Variants in NXPH1 observed in about 807,000 individuals in gnomAD.
NXPH1 encodes neurexophilin-1.
Under a neutral mutation model 23.7 loss-of-function variants are expected in NXPH1, and 5 were observed. The ratio of observed to expected loss-of-function variants is 0.21; its 90% CI spans 0.11 to 0.44. The LOEUF is 0.44. Ranked by LOEUF, NXPH1 falls within the 20% of genes least tolerant of loss-of-function variation. The probability of loss-of-function intolerance (pLI) is 0.99; values close to 1 mark genes in which losing one functional copy is unlikely to be tolerated. For missense variants in NXPH1, 324 were observed against 321.6 expected, an observed-to-expected ratio of 1.01 and a Z score of -0.06; for synonymous variants, 144 against 122.2, an observed-to-expected ratio of 1.18 and a Z score of -1.18.
At chr7:8,501,079 A>T (rs1218921728) in intron 2 of NXPH1, among the ~76,000 whole-genome samples, 1 of 152,072 alleles carries the variant, frequency 6.6e-6, no homozygotes, top group Non-Finnish European at 1.5e-5. Context: ...ATGAGTTGGG[A>T]TCTTCAGCAT....
intron 2 of NXPH1, among the ~76,000 whole-genome samples, chr7:8,574,507 A>G (rs1818714498): frequency 6.6e-6 from 1 of 152,102 alleles, no homozygotes; most frequent in Non-Finnish European, 1.5e-5. Context: ...CTGAAGGAAA[A>G]AGATGGAATC....
chr7:8,447,475 A>G (rs1047063303), intron 2 of NXPH1, among the ~76,000 whole-genome samples: 2 of 152,266 alleles, frequency 1.3e-5, no homozygotes, highest in Non-Finnish European at 2.9e-5. Context: ...CAAGAAATAT[A>G]TAATTGAATG....
chr7:8,726,180 T>C (rs1259429041), intron 2 of NXPH1, among the ~76,000 whole-genome samples: 1 of 152,172 alleles, frequency 6.6e-6, no homozygotes, highest in Non-Finnish European at 1.5e-5. Context: ...TGTATGTATA[T>C]TATTAATACC....
chr7:8,708,554 G>A (rs961652993), intron 2 of NXPH1, among the ~76,000 whole-genome samples: 3 of 151,376 alleles, frequency 2.0e-5, no homozygotes, highest in Non-Finnish European at 2.9e-5. Flanking sequence ...TAGAGATGGG[G>A]TTTCATCATG....
At chr7:8,559,741 T>G (rs911501362) in intron 2 of NXPH1, among the ~76,000 whole-genome samples, 4 of 151,710 alleles carry the variant, frequency 2.6e-5, no homozygotes, top group African/African-American at 9.7e-5. Flanking sequence ...ATATTTTTCC[T>G]TCCAGATAAT....
chr7:8,466,706 A>T (rs888789247), intron 2 of NXPH1, among the ~76,000 whole-genome samples: 1 of 152,164 alleles, frequency 6.6e-6, no homozygotes, highest in Non-Finnish European at 1.5e-5. Context: ...AAAAAAGTAA[A>T]TGATCTAAAA....
intron 2 of NXPH1, among the ~76,000 whole-genome samples, chr7:8,468,635 A>G (rs1372134625): frequency 3.3e-5 from 5 of 151,992 alleles, no homozygotes; most frequent in Admixed American, 3.3e-4. Flanking sequence ...GGATGTGTAC[A>G]CTCCCTGGAA....
intron 2 of NXPH1, among the ~76,000 whole-genome samples, chr7:8,627,602 G>T (rs1358344911): frequency 6.6e-6 from 1 of 152,094 alleles, no homozygotes; most frequent in East Asian, 1.9e-4. Context: ...TGACACTGAA[G>T]AAATGATTAT....
chr7:8,550,491 C>A (rs891812451), intron 2 of NXPH1, among the ~76,000 whole-genome samples: 1 of 151,616 alleles, frequency 6.6e-6, no homozygotes. Context: ...GACACATGGG[C>A]AATCCTATAA....
intron 2 of NXPH1, among the ~76,000 whole-genome samples, chr7:8,615,136 T>TGCCCCAATTGGGGGGC (rs1265297045): frequency 6.6e-6 from 1 of 152,068 alleles, no homozygotes; most frequent in Non-Finnish European, 1.5e-5. Flanking sequence ...GGGGAAAATG[T>TGCCCCAATTGGGGGGC]ACGAATTAGA....
chr7:8,514,116 A>T (rs545037702), intron 2 of NXPH1, among the ~76,000 whole-genome samples: 1 of 152,218 alleles, frequency 6.6e-6, no homozygotes, highest in South Asian at 2.1e-4. Flanking sequence ...ATTACTTCTG[A>T]AAAGACTCTG....
At chr7:8,618,229 A>G (rs1341074110) in intron 2 of NXPH1, among the ~76,000 whole-genome samples, 1 of 152,122 alleles carries the variant, frequency 6.6e-6, no homozygotes, top group African/African-American at 2.4e-5. Context: ...TTTGGGATCT[A>G]TTTTATGGTA....
chr7:8,597,379 T>A (rs1463381300), intron 2 of NXPH1, among the ~76,000 whole-genome samples: 2 of 151,796 alleles, frequency 1.3e-5, no homozygotes, highest in South Asian at 4.1e-4. Context: ...CCAAAGATAA[T>A]GGGGGTGGGC....
chr7:8,649,842 G>A (rs567809484), intron 2 of NXPH1, among the ~76,000 whole-genome samples: 14 of 152,120 alleles, frequency 9.2e-5, no homozygotes, highest in African/African-American at 3.1e-4. Context: ...GTATGTTCAG[G>A]GGTTATCTAA....
chr7:8,446,525 A>T (rs534507279), intron 2 of NXPH1, among the ~76,000 whole-genome samples: 1 of 152,344 alleles, frequency 6.6e-6, no homozygotes, highest in African/African-American at 2.4e-5. Context: ...TTTTTGAATA[A>T]GTAAAGGAAT....
At chr7:8,656,504 A>G (rs1360191824) in intron 2 of NXPH1, among the ~76,000 whole-genome samples, 1 of 81,948 alleles carries the variant, frequency 1.2e-5, no homozygotes, top group Non-Finnish European at 2.5e-5. Context: ...CTGTAGAGTT[A>G]ATGTTTTTTT....
intron 2 of NXPH1, among the ~76,000 whole-genome samples, chr7:8,744,289 G>A (rs1311810791): frequency 2.0e-5 from 3 of 151,998 alleles, no homozygotes; most frequent in Admixed American, 1.3e-4. Context: ...CAGCTCCTTT[G>A]GTAATGGGCA....
intron 2 of NXPH1, among the ~76,000 whole-genome samples, chr7:8,454,131 T>A (rs946008543): frequency 1.3e-5 from 2 of 152,032 alleles, no homozygotes; most frequent in East Asian, 1.9e-4. Context: ...GAAAACTAAC[T>A]AATGGGTACT....
intron 2 of NXPH1, among the ~76,000 whole-genome samples, chr7:8,610,319 C>T (rs775291948): frequency 6.6e-6 from 1 of 152,130 alleles, no homozygotes. Flanking sequence ...GGAATTTGCA[C>T]TGAATTAGCT....
Sources: gnomAD v4.1 joint callset for allele counts (sites outside exome capture counted in the v4.1 genomes callset) on GRCh38, gnomAD v4.1.1 for gene constraint, MANE v1.5 for transcripts, NCBI Gene and HGNC (gene_info 2026-07-23, HGNC 2026-07-21) for gene names.